The following ESR1 variants were observed in gnomAD, a reference collection of about 807,000 sequenced individuals.
The protein encoded by ESR1 is estrogen receptor 1.
ESR1 carries 12 observed loss-of-function variants against 52.7 expected under a neutral mutation model. The ratio of observed to expected loss-of-function variants is 0.23; its 90% confidence interval spans 0.15 to 0.37. ESR1 has a LOEUF of 0.37. ESR1 is among the 10% of genes least tolerant of loss of function. ESR1 has a pLI of 1.00. For synonymous variants in ESR1, 305 were observed against 316.8 expected (o/e 0.96, Z 0.39); for missense variants, 584 against 779.7 (o/e 0.75, Z 2.99).
chr6:151,953,115 C>T (rs765475574), intron 4 of ESR1, among the ~76,000 whole-genome samples: 17 of 152,258 alleles, frequency 1.1e-4, no homozygotes, highest in Non-Finnish European at 2.1e-4. Flanking sequence ...CAAGGCCTCT[C>T]CAAGATGCAT....
At chr6:152,091,571 A>T (rs2050180996) in intron 6 of ESR1, among the ~76,000 whole-genome samples, 3 of 152,194 alleles carry the variant, frequency 2.0e-5, no homozygotes, top group Admixed American at 2.0e-4. Flanking sequence ...CAGTAAGTGC[A>T]TGCTGGATGA....
chr6:152,067,642 A>G (rs1034545626), intron 6 of ESR1, among the ~76,000 whole-genome samples: 2 of 152,178 alleles, frequency 1.3e-5, no homozygotes, highest in Non-Finnish European at 2.9e-5. Flanking sequence ...CCTGGCCAAC[A>G]CAGTGAAACC....
chr6:151,912,683 C>T (rs1049568008), intron 3 of ESR1, among the ~76,000 whole-genome samples: 3 of 152,170 alleles, frequency 2.0e-5, no homozygotes, highest in Admixed American at 1.3e-4. Flanking sequence ...ACAATAAGAG[C>T]GGGAGAATAT....
At chr6:152,067,856 T>G (rs910415979) in intron 6 of ESR1, among the ~76,000 whole-genome samples, 1 of 152,018 alleles carries the variant, frequency 6.6e-6, no homozygotes, top group Non-Finnish European at 1.5e-5. Context: ...AAGGAAAAAA[T>G]GCTCCCCTGA....
chr6:152,106,226 A>G (rs570725941), downstream of ESR1, among the ~76,000 whole-genome samples: 7 of 152,356 alleles, frequency 4.6e-5, no homozygotes, highest in Non-Finnish European at 7.3e-5. Flanking sequence ...TATATATGCT[A>G]TAAGCTCAAC....
At chr6:151,977,307 G>T (rs2039528909) in intron 4 of ESR1, among the ~76,000 whole-genome samples, 1 of 152,058 alleles carries the variant, frequency 6.6e-6, no homozygotes, top group South Asian at 2.1e-4. Flanking sequence ...GTGCAGAAAG[G>T]AATGGTAACA....
chr6:152,119,021 C>T (rs113191979), intron 6 of ESR1, among the ~76,000 whole-genome samples: 78 of 152,258 alleles, frequency 5.1e-4, no homozygotes, highest in African/African-American at 1.8e-3. Flanking sequence ...TTGGTTGCAC[C>T]GAACAAGGAA....
intron 3 of ESR1, among the ~76,000 whole-genome samples, chr6:151,938,464 G>T (rs895510849): frequency 2.6e-5 from 4 of 152,172 alleles, no homozygotes; most frequent in African/African-American, 9.7e-5. Context: ...CATTAGGACA[G>T]ATCCTTTTAT....
intron 5 of ESR1, among the ~76,000 whole-genome samples, chr6:152,046,739 C>T (rs2046259301): frequency 6.6e-6 from 1 of 152,184 alleles, no homozygotes; most frequent in South Asian, 2.1e-4. Flanking sequence ...CTGCCATCTT[C>T]CATTGACTCT....
intron 1 of ESR1, among the ~76,000 whole-genome samples, chr6:151,816,207 C>G (rs1360320954): frequency 6.6e-6 from 1 of 152,170 alleles, no homozygotes; most frequent in Admixed American, 6.5e-5. Context: ...CCCCTCAATG[C>G]AATGGTTCAG....
intron 2 of ESR1, among the ~76,000 whole-genome samples, chr6:151,867,055 T>A (rs1272392612): frequency 6.6e-6 from 1 of 152,164 alleles, no homozygotes; most frequent in Non-Finnish European, 1.5e-5. Flanking sequence ...GAAAACTGAC[T>A]AGCCATATGC....
intron 1 of ESR1, among the ~76,000 whole-genome samples, chr6:151,825,172 C>T (rs1441759183): frequency 6.6e-6 from 1 of 152,062 alleles, no homozygotes; most frequent in Non-Finnish European, 1.5e-5. Context: ...AAGAGATCTG[C>T]CCTCCCCTCC....
intron 4 of ESR1, among the ~76,000 whole-genome samples, chr6:151,987,474 G>C (rs977316450): frequency 6.6e-6 from 1 of 152,104 alleles, no homozygotes; most frequent in Non-Finnish European, 1.5e-5. Context: ...GGCCAGGCTG[G>C]TCTCAAACTC....
chr6:152,034,519 T>C (rs2045097114), intron 5 of ESR1, among the ~76,000 whole-genome samples: 2 of 152,138 alleles, frequency 1.3e-5, no homozygotes, highest in South Asian at 2.1e-4. Context: ...ATTAAGTCTA[T>C]GTTCTGAATG....
chr6:151,707,896 T>A (rs1405653760), intron 2 of ESR1, among the ~76,000 whole-genome samples: 1 of 152,174 alleles, frequency 6.6e-6, no homozygotes, highest in African/African-American at 2.4e-5. Context: ...TAATTTCCAC[T>A]AATTTGACAG....
intron 3 of ESR1, among the ~76,000 whole-genome samples, chr6:151,919,095 G>A (rs2128457780): frequency 6.6e-6 from 1 of 152,172 alleles, no homozygotes; most frequent in African/African-American, 2.4e-5. Flanking sequence ...ATGAAGTCCT[G>A]CCCAGGCTTA....
intron 1 of ESR1, among the ~76,000 whole-genome samples, chr6:151,832,118 T>C (rs948989532): frequency 2.6e-5 from 4 of 152,162 alleles, no homozygotes; most frequent in Admixed American, 2.6e-4. Flanking sequence ...TAATATGAGA[T>C]AGATGTATTA....
At chr6:152,117,989 T>C (rs1225363166) in intron 6 of ESR1, among the ~76,000 whole-genome samples, 2 of 152,226 alleles carry the variant, frequency 1.3e-5, no homozygotes, top group African/African-American at 4.8e-5. Flanking sequence ...ACCTGTTTCC[T>C]GAATTAACTT....
Position 151,721,620 on chromosome 6 carries a change from C to T in ESR1, c.-71+19615C>T, listed in dbSNP as rs568620415. Among the ~76,000 whole-genome samples the T allele has an allele frequency of 1.9e-4, 29 of 152,318 alleles. No homozygotes were observed. The South Asian group carries it at 5.0e-3, about 26-fold the overall frequency. On this transcript the variant is annotated intron_variant, in intron 2 of 2. Coordinates refer to the ESR1 transcript ENST00000404742. ...GAATGTTTGGAAAGGAAGATGCTAA[C>T]GATTTTCATTCATTTGTTTATCATC...
Sources: allele counts gnomAD v4.1 joint callset (sites outside exome capture counted in the v4.1 genomes callset), GRCh38; gene constraint gnomAD v4.1.1; transcripts MANE v1.5; gene names NCBI Gene and HGNC (gene_info 2026-07-23, HGNC 2026-07-21).